ASS1: variants seen among roughly 807,000 people sequenced by gnomAD.
The protein encoded by ASS1 is argininosuccinate synthase.
Under a neutral mutation model 60.5 loss-of-function variants are expected in ASS1, and 58 were observed. The ratio of observed to expected loss-of-function variants is 0.96; its 90% CI spans 0.78 to 1.19. The LOEUF is 1.19. ASS1 is among the 50% of genes most tolerant of loss of function. The pLI is 0.00. For missense variants in ASS1, 454 were observed against 547.3 expected (o/e 0.83, Z 1.70); for synonymous variants, 200 against 206.9 (o/e 0.97, Z 0.29).
At chr9:130,448,781 C>T (rs1422285832) in intron 1 of ASS1, among the ~76,000 whole-genome samples, 1 of 152,126 alleles carries the variant, frequency 6.6e-6, no homozygotes, top group Non-Finnish European at 1.5e-5. Flanking sequence ...CCAGGCTGGT[C>T]TGGAACTCCT....
In ASS1 at chr9:130,494,566, C is replaced by A. The variant is rs929494067; in HGVS notation, c.971-301C>A. Among the ~76,000 whole-genome samples, 2 of 152,234 alleles carry A rather than the reference C, an allele frequency of 1.3e-5. No individual in the cohort carries two copies. The highest frequency in any genetic ancestry group is 2.9e-5 in the Non-Finnish European group (2 of 68,038). Reference sequence around the variant, plus strand: ...TGTGTCCCCAGTTGCTGGCCTGTGGCACTTCCTGAATGCCTATGGCATGAA... The same window carrying A: ...TGTGTCCCCAGTTGCTGGCCTGTGGAACTTCCTGAATGCCTATGGCATGAA... On this transcript the variant is annotated intron_variant, in intron 12 of 14. Transcript: ENST00000352480. The surrounding 1 kb of genome is among the most constrained non-coding windows in gnomAD (Gnocchi z 4.3).
In ASS1 at chr9:130,495,016, C is replaced by T. The variant is rs772323284; in HGVS notation, c.1120C>T (p.Leu374=). ...ESPLSLYNEE[L]VSMNVQGDYE... The stretch of plus-strand genomic sequence containing the variant: ...CCCACTGTCTCTCTACAATGAGGAG[C>T]TGGTGAGGTAGGTGCCCCACACCTC... Residue 374 remains leucine, a synonymous_variant, in exon 13 of 15, where the codon CTG becomes TTG. Transcript: ENST00000352480. The T allele has an allele frequency of 6.2e-7, 1 of 1,611,448 alleles. No homozygotes were observed. Among genetic ancestry groups the T allele is most frequent in the Non-Finnish European group, 8.5e-7 (1 of 1,179,200 alleles).
Position 130,478,713 on chromosome 9 carries a change from G to A in ASS1, c.689-1003G>A, listed in dbSNP as rs1179085753. Among the ~76,000 whole-genome samples, 1 of 152,168 alleles carries A rather than the reference G, an allele frequency of 6.6e-6. No individual in the cohort carries two copies. The highest frequency in any genetic ancestry group is 6.5e-5 in the Admixed American group (1 of 15,284). On this transcript the variant is annotated intron_variant, in intron 9 of 14. Transcript: ENST00000352480. This position sits in a 1 kb window ranked among gnomAD's most constrained non-coding sequence, Gnocchi z 4.7. ...AATAGGACCGGGGAGGGAGAGAAAG[G>A]GAGAGAGGAGAGGCGGGGGGTGGTG...
At chr9:130,461,336 T>G (rs1845587173) in intron 4 of ASS1, among the ~76,000 whole-genome samples, 1 of 152,088 alleles carries the variant, frequency 6.6e-6, no homozygotes, top group Non-Finnish European at 1.5e-5. Flanking sequence ...CCCTCCTCCA[T>G]GTGGCCACCA....
chr9:130,450,638 C>T (rs75725212), intron 1 of ASS1, among the ~76,000 whole-genome samples: 1,525 of 152,322 alleles, frequency 0.01, 25 homozygotes, highest in African/African-American at 0.034. Context: ...GCAGCATGCA[C>T]GGGACTGAAT....
chr9:130,476,910 C>T lies in ASS1; in HGVS notation c.637C>T (p.Pro213Ser). The T allele has an allele frequency of 1.2e-6, 2 of 1,614,114 alleles. No homozygotes were observed. Among genetic ancestry groups the T allele is most frequent in the Non-Finnish European group, 1.7e-6 (2 of 1,180,014 alleles). Reference protein sequence around the residue: ...PPGLYTKTQDPAKAPNTPDIL... With the variant: ...PPGLYTKTQDSAKAPNTPDIL... ...AGGTCTCTACACGAAGACCCAGGAC[C>T]CAGCCAAAGCCCCCAACACCCCTGA... Residue 213 changes from proline (P) to serine (S), a missense_variant, in exon 9 of 15, where the codon CCA becomes TCA. Pro to Ser is a moderately conservative substitution (Grantham distance 74). Coordinates refer to ENST00000352480, the MANE Select transcript of ASS1 (RefSeq NM_054012.4). This position sits in a 1 kb window ranked among gnomAD's most constrained non-coding sequence, Gnocchi z 4.9.
At chr9:130,472,394 G>C (rs1457894267) in intron 8 of ASS1, among the ~76,000 whole-genome samples, 1 of 152,294 alleles carries the variant, frequency 6.6e-6, no homozygotes, top group East Asian at 1.9e-4. Flanking sequence ...CCCCTGGTCG[G>C]TGTTGGCTGT....
intron 5 of ASS1, among the ~76,000 whole-genome samples, chr9:130,465,650 C>T (rs12343078): frequency 0.065 from 9,791 of 150,304 alleles, 1,024 homozygotes; most frequent in African/African-American, 0.22. Flanking sequence ...CCCTCCTAAG[C>T]CCCCAAGGGG....
At chr9:130,471,960 C>T (rs1269034917) in intron 8 of ASS1, among the ~76,000 whole-genome samples, 2 of 152,032 alleles carry the variant, frequency 1.3e-5, no homozygotes, top group Non-Finnish European at 2.9e-5. Flanking sequence ...ATCCGTGTTG[C>T]ACACCCGCCA....
At chr9:130,449,841 A>G (rs188593176) in intron 1 of ASS1, among the ~76,000 whole-genome samples, 1 of 152,208 alleles carries the variant, frequency 6.6e-6, no homozygotes, top group African/African-American at 2.4e-5. Context: ...ATTGGACACA[A>G]AAAAATATGC....
chr9:130,479,674 G>C, intron 9 of ASS1, 42 bp from the exon 10 acceptor site: 1 of 1,534,088 alleles, frequency 6.5e-7, no homozygotes, highest in Non-Finnish European at 9.0e-7. Flanking sequence ...CTCCTCCGCT[G>C]AGCCGGGCCC....
At position 130,452,329 on chromosome 9, in the gene ASS1, A is replaced by C; in HGVS notation, c.101A>C (p.Tyr34Ser). The change falls in exon 2 of 15, where the codon TAT becomes TCT. Residue 34 changes from tyrosine (Y) to serine (S), a missense_variant. By Grantham distance (144) the Tyr-to-Ser change is moderately radical. Coordinates refer to ENST00000352480, the MANE Select transcript of ASS1 (RefSeq NM_054012.4). ...GAACAAGGCTATGACGTCATTGCCT[A>C]TCTGGTGAGGGAGCGACCTGGGTGT... ...LKEQGYDVIA[Y>S]LANIGQKEDF... is the part of the protein sequence containing the mutation. The C allele has an allele frequency of 5.6e-6, 9 of 1,613,380 alleles. No individual in the cohort carries two copies. The highest frequency in any genetic ancestry group is 7.6e-6 in the Non-Finnish European group (9 of 1,179,346).
At chr9:130,499,419 G>A (rs1244449709) in intron 13 of ASS1, 86 bp from the exon 14 acceptor site, 1 of 1,391,234 alleles carries the variant, frequency 7.2e-7, no homozygotes, top group African/African-American at 1.4e-5. Context: ...CATCTGGGAG[G>A]TGGGGCTGCT....
At chr9:130,465,409 C>G (rs1845713323) in intron 5 of ASS1, among the ~76,000 whole-genome samples, 1 of 152,234 alleles carries the variant, frequency 6.6e-6, no homozygotes, top group African/African-American at 2.4e-5. Context: ...AAAATATTAT[C>G]ATTCCTCCTA....
At chr9:130,479,527 G>T (rs916571662) in intron 9 of ASS1, among the ~76,000 whole-genome samples, 189 bp from the exon 10 acceptor site, 1 of 152,120 alleles carries the variant, frequency 6.6e-6, no homozygotes, top group Non-Finnish European at 1.5e-5. Context: ...CATTCTGGGG[G>T]GCTTTCTCGC....
At position 130,460,593 on chromosome 9, in the gene ASS1, T is replaced by C. The variant is rs538315985; in HGVS notation, c.363+2004T>C. Among the ~76,000 whole-genome samples, 260 of 151,748 alleles carry C rather than the reference T, an allele frequency of 1.7e-3. 1 individual carries two copies. Among genetic ancestry groups the C allele is most frequent in the Non-Finnish European group, 2.4e-3 (162 of 67,834 alleles). ...TGTGAGAGGCAGAGGGAACAGCCTG[T>C]GGAAAGGCTTAGAGCCAAGAGGCCC... On this transcript the variant is annotated intron_variant, in intron 4 of 14. Transcript: ENST00000352480.
In ASS1 at chr9:130,487,600, C is replaced by G. The variant is rs1036077948; in HGVS notation, c.839-1733C>G. Among the ~76,000 whole-genome samples, 10 of 152,180 alleles carry G rather than the reference C, an allele frequency of 6.6e-5. 1 individual carries two copies. The South Asian group carries it at 2.1e-3, about 32-fold the overall frequency. Reference sequence around the variant, plus strand: ...CCATGAAACTCCCCATTTTCCCTACCCCGGCCCCTGGCAGCCACCATTTCT... The same window carrying G: ...CCATGAAACTCCCCATTTTCCCTACGCCGGCCCCTGGCAGCCACCATTTCT... On this transcript the variant is annotated intron_variant, in intron 11 of 14. Coordinates refer to ENST00000352480, the MANE Select transcript of ASS1 (RefSeq NM_054012.4).
At chr9:130,487,408 T>TC (rs1227525524) in intron 11 of ASS1, among the ~76,000 whole-genome samples, 4 of 151,996 alleles carry the variant, frequency 2.6e-5, no homozygotes, top group Non-Finnish European at 4.4e-5. Context: ...TGGTTTTTTT[T>TC]TTTTTTTAAT....
Position 130,489,327 on chromosome 9 carries a change from G to T in ASS1, c.839-6G>T. On this transcript the variant is annotated splice_region_variant and splice_polypyrimidine_tract_variant and intron_variant, in intron 11 of 14. Transcript: ENST00000352480. This position sits in a 1 kb window ranked among gnomAD's most constrained non-coding sequence, Gnocchi z 4.1. ...TCCTTTTCCCCCTGCCTGGAAAAAT[G>T]GCTAGGTATCTACGAGACCCCAGCA... 6.2e-7 allele frequency: 1 copy of T among 1,613,094 alleles called. No individual in the cohort carries two copies. The highest frequency in any genetic ancestry group is 1.3e-5 in the African/African-American group (1 of 74,780).
Sources: allele counts gnomAD v4.1 joint callset (sites outside exome capture counted in the v4.1 genomes callset), GRCh38; gene constraint gnomAD v4.1.1; non-coding constraint Gnocchi (gnomAD v3.1); transcripts MANE v1.5; gene names NCBI Gene and HGNC (gene_info 2026-07-23, HGNC 2026-07-21).